Variants in ROCK2 observed in about 807,000 individuals in gnomAD.
ROCK2 encodes the protein Rho associated coiled-coil containing protein kinase 2, also known as rho-associated protein kinase 2.
Under a neutral mutation model 195.1 loss-of-function variants are expected in ROCK2, and 61 were observed. That is an observed-to-expected ratio of 0.31 (90% confidence interval 0.25 to 0.39). The LOEUF (loss-of-function observed/expected upper bound fraction) is 0.39, where lower values mean the gene tolerates loss of function less well. ROCK2 is among the 10% of genes least tolerant of loss of function. The probability of loss-of-function intolerance (pLI) is 1.00; values close to 1 mark genes in which losing one functional copy is unlikely to be tolerated. For missense variants in ROCK2, 1,109 were observed against 1,637.4 expected (o/e 0.68, Z 5.57); for synonymous variants, 504 against 545.5 (o/e 0.92, Z 1.06).
At chr2:11,234,474 A>C (rs922471796) in intron 5 of ROCK2, 2 of 152,158 alleles carry the variant, frequency 1.3e-5, no homozygotes, top group Non-Finnish European at 2.9e-5. Context: ...TTCATTAAAG[A>C]TAATTTGCAC....
rs1572206965 is a variant in ROCK2 at position 11,181,180 on chromosome 2, A to AT, written c.*2256_*2257insA. 1.3e-4 allele frequency: 13 copies of AT among 99,590 alleles called. No homozygotes were observed. Among genetic ancestry groups the AT allele is most frequent in the Admixed American group, 5.9e-4 (6 of 10,180 alleles). 6.2% of individuals were successfully genotyped at this position (99,590 alleles called of 1,614,324 possible). On this transcript the variant is annotated 3_prime_UTR_variant, in exon 33 of 33. Coordinates refer to ENST00000315872, the MANE Select transcript of ROCK2 (RefSeq NM_004850.5). ...ATTTCACCTTAATAAAGTTTATTAA[A>AT]AATATATATATATATATATATATAT...
At chr2:11,240,291 G>A (rs1309313628) in intron 4 of ROCK2, among the ~76,000 whole-genome samples, 8 of 152,178 alleles carry the variant, frequency 5.3e-5, no homozygotes, top group Admixed American at 1.3e-4. Flanking sequence ...AGAAGGACAC[G>A]TGAGTCACCT....
intron 3 of ROCK2, among the ~76,000 whole-genome samples, chr2:11,268,472 GTGTGTGTTTTTTTCCT>G (rs753146210): frequency 2.1e-5 from 2 of 97,130 alleles, no homozygotes; most frequent in Non-Finnish European, 5.0e-5. Flanking sequence ...TTTACTGTGT[GTGTGTGTTTTTTTCCT>G]TGTGTGTGTG....
Position 11,224,288 on chromosome 2 carries a change from G to C in ROCK2, c.1007+34C>G, listed in dbSNP as rs780025131. 18 of 1,557,394 alleles carry C rather than the reference G, an allele frequency of 1.2e-5. No individual in the cohort carries two copies. In the South Asian group the frequency reaches 1.8e-4, roughly 15 times the overall value. On this transcript the variant is annotated intron_variant, in intron 7 of 32. Transcript: ENST00000315872. ...TTTATTTCTATAAATTTAACATAAA[G>C]GGCTTCTCTACAAAGAAATTCAATG...
At position 11,235,616 on chromosome 2, in the gene ROCK2, T is replaced by C. The variant is rs1665175990; in HGVS notation, c.723+86A>G. On this transcript the variant is annotated intron_variant, in intron 5 of 32. Transcript: ENST00000315872. This position sits in a 1 kb window ranked among gnomAD's most constrained non-coding sequence, Gnocchi z 4.2. ...GTTATGAAAACTAAATTTACCTTTG[T>C]TCAAAACTATGAAGACCTGACTTAA... The C allele has an allele frequency of 7.1e-7, 1 of 1,416,084 alleles. No homozygotes were observed. Among genetic ancestry groups the C allele is most frequent in the South Asian group, 1.4e-5 (1 of 72,100 alleles). The allele number at this position is 1,416,084 out of a possible 1,614,324, so 87.7% of individuals were successfully genotyped here.
chr2:11,192,266 G>C lies in ROCK2; in HGVS notation c.4045C>G (p.Pro1349Ala), dbSNP rs748271839. 6.2e-7 allele frequency: 1 copy of C among 1,613,626 alleles called. No individual in the cohort carries two copies. Among genetic ancestry groups the C allele is most frequent in the Admixed American group, 1.7e-5 (1 of 59,950 alleles). The change falls in exon 32 of 33, where the codon CCT becomes GCT. Residue 1349 changes from proline to alanine, a missense_variant. This residue lies in a region of ROCK2 where 221 missense variants were observed against 355.1 expected (regional missense o/e 0.62). Transcript: ENST00000315872. The surrounding 1 kb of genome is among the most constrained non-coding windows in gnomAD (Gnocchi z 5.0). Reference sequence around the variant, plus strand: ...GGGTCTGGAGCTGGGGGCTTTTTAGGTATCTTTTTCACCAACCGACTAACC... The same window carrying C: ...GGGTCTGGAGCTGGGGGCTTTTTAGCTATCTTTTTCACCAACCGACTAACC... Reference protein sequence around the residue: ...KWVSRLVKKIPKKPPAPDPFA... With the variant: ...KWVSRLVKKIAKKPPAPDPFA...
At chr2:11,321,811 A>T (rs1400966905) in intron 1 of ROCK2, among the ~76,000 whole-genome samples, 1 of 152,142 alleles carries the variant, frequency 6.6e-6, no homozygotes, top group African/African-American at 2.4e-5. Flanking sequence ...TGATAGGTTT[A>T]AAAATAGATA....
At chr2:11,307,819 T>A (rs1005720789) in intron 1 of ROCK2, among the ~76,000 whole-genome samples, 3 of 152,132 alleles carry the variant, frequency 2.0e-5, no homozygotes, top group Non-Finnish European at 4.4e-5. Flanking sequence ...ATACACAGAC[T>A]TTTTTCCTTG....
chr2:11,245,049 A>T (rs148854275), intron 4 of ROCK2, among the ~76,000 whole-genome samples: 3 of 151,992 alleles, frequency 2.0e-5, no homozygotes, highest in African/African-American at 7.2e-5. Flanking sequence ...CCCACTTTTA[A>T]AAATCACATT....
intron 3 of ROCK2, among the ~76,000 whole-genome samples, chr2:11,275,117 C>T (rs1207427291): frequency 1.3e-5 from 2 of 151,688 alleles, no homozygotes; most frequent in Non-Finnish European, 2.9e-5. Context: ...ATTAGCCAGG[C>T]GTGGCGGCAG....
chr2:11,310,395 C>T (rs1287816239), intron 1 of ROCK2, among the ~76,000 whole-genome samples: 4 of 151,260 alleles, frequency 2.6e-5, no homozygotes, highest in Non-Finnish European at 5.9e-5. Flanking sequence ...CTACAATTAA[C>T]ATGCCTAATC....
intron 3 of ROCK2, among the ~76,000 whole-genome samples, chr2:11,251,392 T>C (rs114284972): frequency 0.024 from 3,625 of 152,370 alleles, 55 homozygotes; most frequent in Non-Finnish European, 0.033. Flanking sequence ...TTGATACATA[T>C]ATTATCTTAC....
intron 4 of ROCK2, among the ~76,000 whole-genome samples, chr2:11,242,927 T>C (rs1280890854): frequency 6.6e-6 from 1 of 152,174 alleles, no homozygotes; most frequent in Non-Finnish European, 1.5e-5. Flanking sequence ...GAACTCTCTC[T>C]CTAGTGCTCT....
At chr2:11,247,468 T>C (rs915371379) in intron 4 of ROCK2, among the ~76,000 whole-genome samples, 2 of 152,236 alleles carry the variant, frequency 1.3e-5, no homozygotes, top group African/African-American at 4.8e-5. Context: ...ACAATTATAA[T>C]CGGATTTACT....
chr2:11,325,768 A>C (rs138008318), intron 1 of ROCK2, among the ~76,000 whole-genome samples: 1 of 152,232 alleles, frequency 6.6e-6, no homozygotes, highest in African/African-American at 2.4e-5. Flanking sequence ...AATGGATAAA[A>C]GACTAGAAAA....
intron 1 of ROCK2, among the ~76,000 whole-genome samples, chr2:11,319,090 C>T (rs536021194): frequency 1.5e-4 from 23 of 152,084 alleles, no homozygotes; most frequent in African/African-American, 5.6e-4. Flanking sequence ...AATGTGGGCT[C>T]TTTTTTGGTT....
intron 1 of ROCK2, among the ~76,000 whole-genome samples, chr2:11,332,266 A>G (rs545122726): frequency 1.5e-4 from 23 of 152,362 alleles, no homozygotes; most frequent in Middle Eastern, 3.4e-3. Flanking sequence ...AGTATTAACT[A>G]GGCCTTTCAG....
chr2:11,214,993 G>C lies in ROCK2; in HGVS notation c.1783C>G (p.Leu595Val). The change falls in exon 16 of 33, where the codon CTG becomes GTG. Residue 595 changes from leucine to valine, a missense_variant. Leu to Val is a conservative substitution (Grantham distance 32). Around this residue, in one of 6 missense-constraint regions of ROCK2, gnomAD observed 542 missense variants for 672.0 expected, o/e 0.81. Coordinates refer to ENST00000315872, the MANE Select transcript of ROCK2 (RefSeq NM_004850.5). ...QAESSKQIQQ[L>V]ESNNRDLQDK... is the part of the protein sequence containing the mutation. ...TGTAGATCTCTATTGTTAGATTCCAGCTGCTGAATCTGTTTTGAACTTTCT... is the reference window on the plus strand; with the variant it reads ...TGTAGATCTCTATTGTTAGATTCCACCTGCTGAATCTGTTTTGAACTTTCT... The C allele has an allele frequency of 6.2e-7, 1 of 1,613,254 alleles. No individual in the cohort carries two copies. Among genetic ancestry groups the C allele is most frequent in the East Asian group, 2.2e-5 (1 of 44,810 alleles).
At chr2:11,337,616 A>C (rs1668971520) in intron 1 of ROCK2, among the ~76,000 whole-genome samples, 1 of 151,868 alleles carries the variant, frequency 6.6e-6, no homozygotes, top group Non-Finnish European at 1.5e-5. Flanking sequence ...TAACTACTTC[A>C]TAAAAAGATC....
Sources: gnomAD v4.1 joint callset for allele counts (sites outside exome capture counted in the v4.1 genomes callset) on GRCh38, gnomAD v4.1.1 for gene constraint, gnomAD v4.1.1 regional missense constraint, Gnocchi (gnomAD v3.1) non-coding constraint, MANE v1.5 for transcripts, NCBI Gene and HGNC (gene_info 2026-07-23, HGNC 2026-07-21) for gene names.